The following SYT9 variants were observed in gnomAD, a reference collection of about 807,000 sequenced individuals.
SYT9 encodes synaptotagmin-9.
In SYT9, 22 loss-of-function variants were observed where a neutral mutation model predicts 48.4. The ratio of observed to expected loss-of-function variants is 0.45; its 90% CI spans 0.32 to 0.65. SYT9 has a LOEUF of 0.65. Ranked by LOEUF, SYT9 falls within the 30% of genes least tolerant of loss-of-function variation. The pLI, the probability that SYT9 is intolerant of heterozygous loss-of-function variation, is 0.03. For missense variants in SYT9, 577 were observed against 622.0 expected, an observed-to-expected ratio of 0.93 and a Z score of 0.77; for synonymous variants, 265 against 245.0, an observed-to-expected ratio of 1.08 and a Z score of -0.76.
chr11:7,408,114 G>A (rs538072432), intron 3 of SYT9, among the ~76,000 whole-genome samples: 1 of 152,004 alleles, frequency 6.6e-6, no homozygotes, highest in African/African-American at 2.4e-5. Flanking sequence ...GTTGCTTTAG[G>A]TAGTATGATT....
chr11:7,359,879 G>T (rs1850098386), intron 3 of SYT9, among the ~76,000 whole-genome samples: 1 of 152,002 alleles, frequency 6.6e-6, no homozygotes, highest in East Asian at 1.9e-4. Flanking sequence ...GTCAATTTTG[G>T]CTTTTGTTAC....
chr11:7,448,522 G>A (rs190019703), intron 6 of SYT9, among the ~76,000 whole-genome samples: 1 of 152,332 alleles, frequency 6.6e-6, no homozygotes, highest in East Asian at 1.9e-4. Flanking sequence ...TGAGTGTGCC[G>A]CTTTAGCAAG....
intron 3 of SYT9, among the ~76,000 whole-genome samples, chr11:7,351,351 G>C (rs1849910880): frequency 6.6e-6 from 1 of 152,226 alleles, no homozygotes; most frequent in Non-Finnish European, 1.5e-5. Flanking sequence ...CCCACAGTCA[G>C]TGCAAGAGGG....
chr11:7,434,352 C>G (rs1021864002), intron 6 of SYT9, among the ~76,000 whole-genome samples: 2 of 152,162 alleles, frequency 1.3e-5, no homozygotes, highest in African/African-American at 4.8e-5. Flanking sequence ...GAGTGGGGCT[C>G]TCTATGGCAG....
At chr11:7,410,420 T>G (rs1412017249) in intron 3 of SYT9, among the ~76,000 whole-genome samples, 1 of 152,240 alleles carries the variant, frequency 6.6e-6, no homozygotes, top group Non-Finnish European at 1.5e-5. Context: ...ATGATTTGAC[T>G]AATGCTGAAA....
chr11:7,417,858 T>G (rs1590014280), intron 4 of SYT9, 99 bp from the exon 5 acceptor site: 1 of 1,273,718 alleles, frequency 7.9e-7, no homozygotes, highest in Non-Finnish European at 1.1e-6. Context: ...GGTAAAGGAG[T>G]TCAGCATACC....
chr11:7,384,138 C>A (rs1009240841), intron 3 of SYT9, among the ~76,000 whole-genome samples: 23 of 151,802 alleles, frequency 1.5e-4, no homozygotes, highest in Admixed American at 1.5e-3. Context: ...AATCGTTATA[C>A]ACTTGTGGAG....
chr11:7,438,090 G>T (rs1427989351), intron 6 of SYT9: 1 of 152,242 alleles, frequency 6.6e-6, no homozygotes, highest in African/African-American at 2.4e-5. Flanking sequence ...TTGTTCCAGT[G>T]TAATAGTGTC....
Position 7,308,393 on chromosome 11 carries a change from A to G in SYT9, c.498-5002A>G, listed in dbSNP as rs556739050. On this transcript the variant is annotated intron_variant, in intron 2 of 6. Coordinates refer to ENST00000318881, the MANE Select transcript of SYT9 (RefSeq NM_175733.4). ...AGGGTGCACTTGTTCATGGCTTCAC[A>G]TGAAAGCCCGCGATGGAAGGGGTGT... 2.6e-4 allele frequency among the ~76,000 whole-genome samples: 40 copies of G among 152,268 alleles called. 2 individuals are homozygous for G. In the South Asian group the frequency reaches 8.1e-3, roughly 31 times the overall value.
intron 3 of SYT9, among the ~76,000 whole-genome samples, chr11:7,336,499 C>A (rs1001756710): frequency 1.3e-5 from 2 of 152,078 alleles, no homozygotes; most frequent in Admixed American, 1.3e-4. Context: ...TTTAATCCAT[C>A]TTGAGTTAAT....
intron 4 of SYT9, among the ~76,000 whole-genome samples, chr11:7,417,578 A>G (rs1008687717): frequency 5.3e-5 from 8 of 152,208 alleles, no homozygotes; most frequent in African/African-American, 1.9e-4. Flanking sequence ...ACCTGAAAAG[A>G]TTCCCTGAGG....
At chr11:7,379,731 G>A (rs1850525674) in intron 3 of SYT9, among the ~76,000 whole-genome samples, 1 of 151,980 alleles carries the variant, frequency 6.6e-6, no homozygotes. Flanking sequence ...TTACTCAACT[G>A]TCTTTCATCT....
At chr11:7,447,736 T>C (rs951536701) in intron 6 of SYT9, among the ~76,000 whole-genome samples, 1 of 152,080 alleles carries the variant, frequency 6.6e-6, no homozygotes, top group African/African-American at 2.4e-5. Context: ...ATAATGCTAT[T>C]TTGTAATTTT....
At chr11:7,265,120 G>C (rs990684576) in intron 1 of SYT9, among the ~76,000 whole-genome samples, 2 of 152,094 alleles carry the variant, frequency 1.3e-5, no homozygotes, top group African/African-American at 4.8e-5. Context: ...GAAATAGAGA[G>C]AGATCCTGAT....
intron 3 of SYT9, among the ~76,000 whole-genome samples, chr11:7,395,334 G>A (rs1846732073): frequency 6.6e-6 from 1 of 152,032 alleles, no homozygotes; most frequent in African/African-American, 2.4e-5. Flanking sequence ...TTGTTGAGGG[G>A]AGTATTCTTA....
intron 1 of SYT9, among the ~76,000 whole-genome samples, chr11:7,269,847 T>C (rs1367517626): frequency 1.3e-5 from 2 of 152,122 alleles, no homozygotes; most frequent in South Asian, 2.1e-4. Context: ...AAAACAGATA[T>C]GGGGTGGCAA....
At chr11:7,339,660 T>C (rs1386727962) in intron 3 of SYT9, among the ~76,000 whole-genome samples, 1 of 152,140 alleles carries the variant, frequency 6.6e-6, no homozygotes, top group East Asian at 1.9e-4. Flanking sequence ...TTTTTTTTCC[T>C]TAAGAACTTT....
chr11:7,457,605 C>T (rs1196427442), intron 6 of SYT9: 1 of 152,162 alleles, frequency 6.6e-6, no homozygotes, highest in East Asian at 1.9e-4. Flanking sequence ...AATTTTTCTT[C>T]AAATCTACAG....
chr11:7,377,716 T>G (rs1850479981), intron 3 of SYT9, among the ~76,000 whole-genome samples: 1 of 152,118 alleles, frequency 6.6e-6, no homozygotes, highest in South Asian at 2.1e-4. Context: ...TCCTCCAGTT[T>G]CCCTCATATC....
Sources: allele counts gnomAD v4.1 joint callset (sites outside exome capture counted in the v4.1 genomes callset), GRCh38; gene constraint gnomAD v4.1.1; transcripts MANE v1.5; gene names NCBI Gene and HGNC (gene_info 2026-07-23, HGNC 2026-07-21).